Variants in ABTB2 observed in about 807,000 individuals in gnomAD.
ABTB2 encodes the protein ankyrin repeat and BTB domain containing 2, also known as ankyrin repeat and BTB/POZ domain-containing protein 2.
Under a neutral mutation model 104.1 loss-of-function variants are expected in ABTB2, and 56 were observed. The observed-to-expected ratio is 0.54, with a 90% confidence interval of 0.43 to 0.67. The LOEUF is 0.67. Among genes scored for constraint, ABTB2 ranks in the 30% least tolerant of loss-of-function variants. ABTB2 has a pLI of 0.00. For synonymous variants in ABTB2, 606 were observed against 608.2 expected (o/e 1.00, Z 0.05); for missense variants, 1,279 against 1,407.7 (o/e 0.91, Z 1.46).
At chr11:34,315,665 G>A (rs1854918918) in intron 1 of ABTB2, among the ~76,000 whole-genome samples, 2 of 152,242 alleles carry the variant, frequency 1.3e-5, no homozygotes, top group African/African-American at 4.8e-5. Context: ...GGCAGGGAGA[G>A]AAGGGCACAT....
At chr11:34,216,161 A>G (rs777728945) in intron 1 of ABTB2, among the ~76,000 whole-genome samples, 1 of 152,218 alleles carries the variant, frequency 6.6e-6, no homozygotes, top group Non-Finnish European at 1.5e-5. Context: ...AATATTGGAT[A>G]CAAAGGGCTG....
chr11:34,312,027 G>C (rs1245628708), intron 1 of ABTB2, among the ~76,000 whole-genome samples: 1 of 152,022 alleles, frequency 6.6e-6, no homozygotes, highest in Non-Finnish European at 1.5e-5. Context: ...TGTAATCCAA[G>C]CTACTCAGGA....
intron 3 of ABTB2, among the ~76,000 whole-genome samples, chr11:34,179,077 A>G (rs1375017075): frequency 9.4e-6 from 1 of 106,026 alleles, no homozygotes; most frequent in Non-Finnish European, 2.2e-5. Context: ...TGAAACTCCA[A>G]CTCAAAAAAA....
intron 1 of ABTB2, among the ~76,000 whole-genome samples, chr11:34,289,614 C>T (rs930632936): frequency 1.3e-5 from 2 of 152,156 alleles, no homozygotes; most frequent in Non-Finnish European, 2.9e-5. Flanking sequence ...TTCTCATGAG[C>T]CCACAAACCC....
chr11:34,282,702 T>C (rs1028785286), intron 1 of ABTB2, among the ~76,000 whole-genome samples: 1 of 151,732 alleles, frequency 6.6e-6, no homozygotes, highest in African/African-American at 2.4e-5. Context: ...AATTTTTTTT[T>C]CTTTTTTTTA....
At chr11:34,335,333 A>G in intron 1 of ABTB2, 1 of 1,005,344 alleles carries the variant, frequency 9.9e-7, no homozygotes, top group Non-Finnish European at 1.6e-6. Flanking sequence ...ATGGGTCAGT[A>G]AAGTCAGCCC....
chr11:34,231,430 T>C (rs1384006802), intron 1 of ABTB2, among the ~76,000 whole-genome samples: 2 of 152,160 alleles, frequency 1.3e-5, no homozygotes, highest in Admixed American at 1.3e-4. Context: ...GACTTCACTC[T>C]AAAGACTACA....
chr11:34,251,388 G>A (rs1266603155), intron 1 of ABTB2, among the ~76,000 whole-genome samples: 1 of 152,124 alleles, frequency 6.6e-6, no homozygotes, highest in African/African-American at 2.4e-5. Flanking sequence ...CTCCAAAGGG[G>A]GACCACACAG....
intron 4 of ABTB2, among the ~76,000 whole-genome samples, chr11:34,171,587 ATAAG>A (rs747985807): frequency 1.8e-4 from 28 of 152,214 alleles, no homozygotes; most frequent in South Asian, 4.2e-4. Flanking sequence ...CAATCAATCA[ATAAG>A]TAAGTAAGTA....
chr11:34,183,380 G>A (rs1238221502), intron 3 of ABTB2, among the ~76,000 whole-genome samples: 1 of 152,200 alleles, frequency 6.6e-6, no homozygotes, highest in African/African-American at 2.4e-5. Flanking sequence ...GATGGCAGGC[G>A]TGAGCCACCG....
chr11:34,284,999 C>T (rs1436506949), intron 1 of ABTB2, among the ~76,000 whole-genome samples: 2 of 152,248 alleles, frequency 1.3e-5, no homozygotes, highest in Non-Finnish European at 2.9e-5. Flanking sequence ...CTTCCATCCT[C>T]AGTCAGCAAA....
intron 14 of ABTB2, among the ~76,000 whole-genome samples, chr11:34,158,003 G>A (rs543919807): frequency 3.3e-5 from 5 of 152,322 alleles, no homozygotes; most frequent in East Asian, 1.9e-4. Flanking sequence ...ACCAAGAGGG[G>A]ATAATAACAT....
At position 34,224,567 on chromosome 11, in the gene ABTB2, G is replaced by T. The variant is rs12804975; in HGVS notation, c.884-19877C>A. Among the ~76,000 whole-genome samples, 186 of 152,240 alleles carry T rather than the reference G, an allele frequency of 1.2e-3. 2 individuals carry two copies. The highest frequency in any genetic ancestry group is 4.8e-3 in the South Asian group (23 of 4,822). On this transcript the variant is annotated intron_variant, in intron 1 of 16. Transcript: ENST00000435224. ...GAGCCTCCCCCGACAATGACGTGTT[G>T]GTTAAAAGGCACCAGCTCATGAGTT... is the stretch of plus-strand genomic sequence containing the variant.
At chr11:34,160,748 G>A (rs1333607465) in intron 11 of ABTB2, among the ~76,000 whole-genome samples, 155 bp downstream of exon 11, 3 of 133,496 alleles carry the variant, frequency 2.2e-5, no homozygotes, top group African/African-American at 8.2e-5. Flanking sequence ...TTGGGTGGGG[G>A]GGTCCCTGGG....
chr11:34,167,496 AGGCTC>A, intron 6 of ABTB2, 136 bp from the exon 7 acceptor site: 2 of 767,734 alleles, frequency 2.6e-6, no homozygotes, highest in Admixed American at 2.5e-5. Context: ...AAAGTGGACA[AGGCTC>A]AAAAAGAGAG....
At chr11:34,295,597 C>T (rs1800081388) in intron 1 of ABTB2, among the ~76,000 whole-genome samples, 1 of 152,156 alleles carries the variant, frequency 6.6e-6, no homozygotes. Context: ...GCAGAAAGCT[C>T]TCTTATGTGA....
At chr11:34,349,834 T>C (rs769490110) in intron 1 of ABTB2, among the ~76,000 whole-genome samples, 3 of 152,160 alleles carry the variant, frequency 2.0e-5, no homozygotes, top group Non-Finnish European at 4.4e-5. Flanking sequence ...AAAATGTCAA[T>C]GGTGCCCTGT....
chr11:34,345,997 C>T (rs1407712545), intron 1 of ABTB2, among the ~76,000 whole-genome samples: 1 of 152,208 alleles, frequency 6.6e-6, no homozygotes, highest in African/African-American at 2.4e-5. Flanking sequence ...TACTGACCTG[C>T]CCAAGCCCTA....
intron 1 of ABTB2, among the ~76,000 whole-genome samples, chr11:34,285,083 C>G (rs1387918641): frequency 1.3e-5 from 2 of 152,170 alleles, no homozygotes; most frequent in African/African-American, 4.8e-5. Flanking sequence ...CGCTGTGGCC[C>G]AAGAACAGCC....
Sources: gnomAD v4.1 joint callset for allele counts (sites outside exome capture counted in the v4.1 genomes callset) on GRCh38, gnomAD v4.1.1 for gene constraint, MANE v1.5 for transcripts, NCBI Gene and HGNC (gene_info 2026-07-23, HGNC 2026-07-21) for gene names.